PLXND1: variants seen among roughly 807,000 people sequenced by gnomAD.
PLXND1 encodes plexin D1, also known as plexin-D1.
Under a neutral mutation model 197.7 loss-of-function variants are expected in PLXND1, and 54 were observed. The ratio of observed to expected loss-of-function variants is 0.27; its 90% CI spans 0.22 to 0.34. The LOEUF is 0.34. Ranked by LOEUF, PLXND1 falls within the 10% of genes least tolerant of loss-of-function variation. The pLI is 1.00. For synonymous variants in PLXND1, 1,180 were observed against 1,161.2 expected (o/e 1.02, Z -0.33); for missense variants, 2,127 against 2,699.2 (o/e 0.79, Z 4.70).
intron 2 of PLXND1, 37 bp downstream of exon 2, chr3:129,589,314 A>G: frequency 1.4e-5 from 5 of 346,834 alleles, no homozygotes; most frequent in East Asian, 7.5e-5. Flanking sequence ...GGAGCCTCCC[A>G]CCCCCACCCC....
intron 8 of PLXND1, among the ~76,000 whole-genome samples, chr3:129,581,138 G>A (rs541340060): frequency 3.3e-5 from 5 of 152,348 alleles, no homozygotes; most frequent in South Asian, 2.1e-4. Flanking sequence ...CCCGGCTCCC[G>A]AGGGGCCACG....
chr3:129,589,307 G>GCCGGCCACCCCCCCCCCCCC, intron 2 of PLXND1, 44 bp downstream of exon 2: 2 of 684,692 alleles, frequency 2.9e-6, no homozygotes, highest in Non-Finnish European at 5.1e-6. Context: ...TCCCAGGGGA[G>GCCGGCCACCCCCCCCCCCCC]CCTCCCACCC....
intron 20 of PLXND1, chr3:129,569,550 C>T: frequency 2.6e-6 from 1 of 384,902 alleles, no homozygotes; most frequent in Non-Finnish European, 4.9e-6. Context: ...TAAGTACCTT[C>T]AGTAGCTCTC....
rs1293346502 is a variant in PLXND1 at position 129,557,785 on chromosome 3, A to C, written c.5446-562T>G. Among the ~76,000 whole-genome samples, 2 of 152,230 alleles carry C rather than the reference A, an allele frequency of 1.3e-5. No individual in the cohort carries two copies. The highest frequency in any genetic ancestry group is 3.8e-4 in the East Asian group (2 of 5,196). Reference sequence around the variant, plus strand: ...TCTCTGAAATGCGTGGGCTAAATGCAGGGTCACACACGACCTGGACCAATC... The same window carrying C: ...TCTCTGAAATGCGTGGGCTAAATGCCGGGTCACACACGACCTGGACCAATC... On this transcript the variant is annotated intron_variant, in intron 33 of 35. Transcript: ENST00000324093. This position sits in a 1 kb window ranked among gnomAD's most constrained non-coding sequence, Gnocchi z 4.8.
chr3:129,561,955 G>A (rs772595467), intron 27 of PLXND1, 52 bp from the exon 28 acceptor site: 1 of 1,302,384 alleles, frequency 7.7e-7, no homozygotes, highest in Non-Finnish European at 1.1e-6. Context: ...CTGGGCCTGA[G>A]GGGTAGGTAC....
chr3:129,570,491 G>A (rs1269142958), intron 19 of PLXND1, among the ~76,000 whole-genome samples: 3 of 152,184 alleles, frequency 2.0e-5, no homozygotes, highest in Non-Finnish European at 2.9e-5. Flanking sequence ...CCTCTACATG[G>A]TGCCTGGCAG....
rs2085268241 is a variant in PLXND1, at chr3:129,573,583, T to C, written c.2837+11A>G. 5 of 1,610,898 alleles carry C rather than the reference T, an allele frequency of 3.1e-6. No individual in the cohort carries two copies. Among genetic ancestry groups the C allele is most frequent in the Non-Finnish European group, 4.2e-6 (5 of 1,178,454 alleles). ...CTGGAGAAGGTAGGTGGGGGCACCGTGGCTACTCACTCCTCCGACACCGTG... is the reference window on the plus strand; with the variant it reads ...CTGGAGAAGGTAGGTGGGGGCACCGCGGCTACTCACTCCTCCGACACCGTG... On this transcript the variant is annotated intron_variant, in intron 13 of 35. Transcript: ENST00000324093.
chr3:129,586,770 AAACC>A (rs1464478669), intron 2 of PLXND1, 51 bp from the exon 3 acceptor site: 3 of 1,577,748 alleles, frequency 1.9e-6, no homozygotes, highest in Non-Finnish European at 2.6e-6. Flanking sequence ...AGGGGAGGCC[AAACC>A]CAGGGGACAA....
chr3:129,572,914 T>G lies in PLXND1; in HGVS notation c.2865A>C (p.Pro955=), dbSNP rs761109966. Reference sequence around the variant, plus strand: ...CGGTCACCACACCTGAGAGTGGTCCTGGGGCTGGCCCTGTGACACACACGA... The same window carrying G: ...CGGTCACCACACCTGAGAGTGGTCCGGGGGCTGGCCCTGTGACACACACGA... ...EEIVCVTGPA[P]GPLSGVVTVN... is the part of the protein sequence containing the mutation. The change falls in exon 14 of 36, where the codon CCA becomes CCC. Residue 955 remains proline (P), a synonymous_variant. Transcript: ENST00000324093. The G allele has an allele frequency of 2.8e-5, 45 of 1,613,380 alleles. No homozygotes were observed. The highest frequency in any genetic ancestry group is 3.6e-5 in the Non-Finnish European group (43 of 1,179,692).
chr3:129,576,437 T>C (rs1186450839), intron 9 of PLXND1, among the ~76,000 whole-genome samples: 1 of 152,212 alleles, frequency 6.6e-6, no homozygotes, highest in Non-Finnish European at 1.5e-5. Flanking sequence ...TCCTCATTCA[T>C]TCCCTCAGCA....
intron 1 of PLXND1, among the ~76,000 whole-genome samples, chr3:129,599,206 T>C (rs2085670362): frequency 1.3e-5 from 2 of 152,258 alleles, no homozygotes; most frequent in African/African-American, 2.4e-5. Flanking sequence ...TTAATCTCCA[T>C]GGAGACCGGG....
At chr3:129,575,694 T>C (rs878978428) in intron 10 of PLXND1, 72 bp downstream of exon 10, 1 of 1,242,426 alleles carries the variant, frequency 8.0e-7, no homozygotes, top group Non-Finnish European at 1.2e-6. Flanking sequence ...AGAGGCAGGG[T>C]GGGGTGAGGG....
At chr3:129,583,704 C>T in intron 7 of PLXND1, 35 bp from the exon 8 acceptor site, 1 of 1,409,780 alleles carries the variant, frequency 7.1e-7, no homozygotes, top group Non-Finnish European at 1.0e-6. Flanking sequence ...CTCCTGGTTC[C>T]CCACCCCTCA....
intron 1 of PLXND1, among the ~76,000 whole-genome samples, chr3:129,604,754 C>T (rs2085759354): frequency 1.3e-5 from 2 of 152,222 alleles, no homozygotes; most frequent in African/African-American, 2.4e-5. Flanking sequence ...AGCCCTGTCC[C>T]GTTGTACCAG....
Position 129,583,693 on chromosome 3 carries a change from A to G in PLXND1, c.2139-24T>C, listed in dbSNP as rs766593562. 20 of 1,519,460 alleles carry G rather than the reference A, an allele frequency of 1.3e-5. No individual in the cohort carries two copies. In the South Asian group the frequency reaches 1.6e-4, roughly 12 times the overall value. 94.1% of individuals were successfully genotyped at this position (1,519,460 alleles called of 1,614,324 possible). On this transcript the variant is annotated intron_variant, in intron 7 of 35. Coordinates refer to ENST00000324093, the MANE Select transcript of PLXND1 (RefSeq NM_015103.3). Reference sequence around the variant, plus strand: ...AGCTGGAAGACAAGGAGGCCCCTCAACTCCTGGTTCCCCACCCCTCAACTC... The same window carrying G: ...AGCTGGAAGACAAGGAGGCCCCTCAGCTCCTGGTTCCCCACCCCTCAACTC...
At chr3:129,589,778 G>T (rs1446135968) in intron 1 of PLXND1, among the ~76,000 whole-genome samples, 1 of 152,166 alleles carries the variant, frequency 6.6e-6, no homozygotes. Context: ...GAACCAGCAG[G>T]CGAGGGAACA....
intron 15 of PLXND1, among the ~76,000 whole-genome samples, chr3:129,572,048 A>C (rs2085242009): frequency 6.6e-6 from 1 of 152,100 alleles, no homozygotes; most frequent in African/African-American, 2.4e-5. Context: ...TCCTCCAGGA[A>C]GCCTTCCCAG....
chr3:129,572,531 T>G (rs985029187), intron 15 of PLXND1, 78 bp downstream of exon 15: 8 of 1,278,088 alleles, frequency 6.3e-6, no homozygotes, highest in Non-Finnish European at 6.3e-6. Flanking sequence ...GGCTCAAGGA[T>G]GTCACCTCCA....
chr3:129,556,236 C>T lies in PLXND1; in HGVS notation c.*76G>A, dbSNP rs1030660429. On this transcript the variant is annotated 3_prime_UTR_variant, in exon 36 of 36. Transcript: ENST00000324093. ...TATTTCCCAGTCTGAGTCACAGGCA[C>T]GGGGTAGAAGATCAAGTTGAGGCCC... The T allele has an allele frequency of 1.1e-5, 11 of 973,272 alleles. No individual in the cohort carries two copies. Among genetic ancestry groups the T allele is most frequent in the East Asian group, 4.8e-5 (2 of 41,650 alleles). The allele number at this position is 973,272 out of a possible 1,614,324, so 60.3% of individuals were successfully genotyped here.
Sources: gnomAD v4.1 joint callset for allele counts (sites outside exome capture counted in the v4.1 genomes callset) on GRCh38, gnomAD v4.1.1 for gene constraint, Gnocchi (gnomAD v3.1) non-coding constraint, MANE v1.5 for transcripts, NCBI Gene and HGNC (gene_info 2026-07-23, HGNC 2026-07-21) for gene names.